PPARD: variants seen among roughly 807,000 people sequenced by gnomAD.
The protein encoded by PPARD is peroxisome proliferator-activated receptor delta.
A neutral mutation model predicts 39.5 loss-of-function variants in PPARD; 6 were observed. The ratio of observed to expected loss-of-function variants is 0.15; its 90% CI spans 0.08 to 0.30. The LOEUF (loss-of-function observed/expected upper bound fraction) is 0.30, where lower values mean the gene tolerates loss of function less well. Among genes scored for constraint, PPARD ranks in the 10% least tolerant of loss-of-function variants. The probability of loss-of-function intolerance (pLI) is 1.00; values close to 1 mark genes in which losing one functional copy is unlikely to be tolerated. For synonymous variants in PPARD, 210 were observed against 231.3 expected (o/e 0.91, Z 0.83); for missense variants, 397 against 596.8 (o/e 0.67, Z 3.49).
intron 5 of PPARD, among the ~76,000 whole-genome samples, chr6:35,422,275 G>A (rs1032446842): frequency 3.3e-5 from 5 of 152,166 alleles, no homozygotes; most frequent in African/African-American, 1.2e-4. Context: ...ACAATTTGGG[G>A]AACACCAGTC....
chr6:35,347,028 C>A, intron 1 of PPARD, 39 bp from the exon 2 acceptor site: 3 of 1,352,154 alleles, frequency 2.2e-6, no homozygotes, highest in Non-Finnish European at 1.0e-6. Context: ...CCCCTGGCAC[C>A]TGTCAGCTAA....
intron 2 of PPARD, among the ~76,000 whole-genome samples, chr6:35,349,217 G>A (rs1486834508): frequency 6.6e-6 from 1 of 151,916 alleles, no homozygotes; most frequent in African/African-American, 2.4e-5. Context: ...AGTAGAGACG[G>A]GGTTTCACCG....
chr6:35,414,632 G>A (rs1200922001), intron 3 of PPARD, among the ~76,000 whole-genome samples: 2 of 152,148 alleles, frequency 1.3e-5, no homozygotes, highest in African/African-American at 4.8e-5. Flanking sequence ...TTTATAGGCT[G>A]TGTCCTACCC....
intron 1 of PPARD, among the ~76,000 whole-genome samples, chr6:35,343,146 C>T (rs76346538): frequency 2.7e-3 from 407 of 152,262 alleles, no homozygotes; most frequent in Non-Finnish European, 4.5e-3. Context: ...ATCTTTTCCT[C>T]TGTCCCCCTC....
At chr6:35,399,310 G>A (rs1426971962) in intron 2 of PPARD, among the ~76,000 whole-genome samples, 1 of 149,912 alleles carries the variant, frequency 6.7e-6, no homozygotes, top group East Asian at 2.0e-4. Context: ...TGAGACAGGA[G>A]AATCACTTGA....
chr6:35,344,531 C>T (rs907933401), intron 1 of PPARD, among the ~76,000 whole-genome samples: 6 of 152,038 alleles, frequency 3.9e-5, no homozygotes, highest in Non-Finnish European at 7.4e-5. Context: ...GGCGTTGGTT[C>T]TCTAAAGAAG....
intron 3 of PPARD, among the ~76,000 whole-genome samples, chr6:35,416,410 A>AAC (rs1765775630): frequency 9.2e-6 from 1 of 108,136 alleles, no homozygotes; most frequent in East Asian, 2.9e-4. Context: ...AAAAAAAAAA[A>AAC]CACCTTCTTA....
rs563446969 is a variant in PPARD, at chr6:35,394,050, G to A, written c.-101-16937G>A. Among the ~76,000 whole-genome samples, 20 of 152,276 alleles carry A rather than the reference G, an allele frequency of 1.3e-4. No individual in the cohort carries two copies. The East Asian group carries it at 2.5e-3, about 19-fold the overall frequency. ...TTTATTACAAAAGATGTTGATGCTC[G>A]TTTTAAAAACAATTTAAACTACAAA... On this transcript the variant is annotated intron_variant, in intron 2 of 7. Coordinates refer to ENST00000360694, the MANE Select transcript of PPARD (RefSeq NM_006238.5).
chr6:35,358,221 G>C (rs1761731883), intron 2 of PPARD, among the ~76,000 whole-genome samples: 1 of 152,166 alleles, frequency 6.6e-6, no homozygotes, highest in African/African-American at 2.4e-5. Context: ...GCAGCAAGAT[G>C]CTACACTGCT....
intron 5 of PPARD, 138 bp from the exon 6 acceptor site, chr6:35,423,808 C>A: frequency 1.4e-6 from 1 of 731,602 alleles, no homozygotes; most frequent in Non-Finnish European, 2.2e-6. Context: ...CCCCATCATT[C>A]CTACCTTGCT....
At chr6:35,365,646 A>T (rs1015133827) in intron 2 of PPARD, among the ~76,000 whole-genome samples, 3 of 151,344 alleles carry the variant, frequency 2.0e-5, no homozygotes, top group African/African-American at 7.4e-5. Context: ...ATGTGCCATC[A>T]TGCCCAGCTG....
intron 2 of PPARD, among the ~76,000 whole-genome samples, chr6:35,396,823 CTG>C (rs1189000499): frequency 6.6e-6 from 1 of 152,090 alleles, no homozygotes; most frequent in Non-Finnish European, 1.5e-5. Flanking sequence ...GAGTGAGACT[CTG>C]TCTCAATAAA....
chr6:35,420,819 C>CTTTT (rs35852986), intron 4 of PPARD, among the ~76,000 whole-genome samples: 3,962 of 85,514 alleles, frequency 0.046, 446 homozygotes, highest in African/African-American at 0.06. Flanking sequence ...AACAAAGAAG[C>CTTTT]TTTTTTTTTT....
intron 5 of PPARD, among the ~76,000 whole-genome samples, chr6:35,422,781 C>A (rs963175571): frequency 6.6e-6 from 1 of 152,140 alleles, no homozygotes; most frequent in Non-Finnish European, 1.5e-5. Flanking sequence ...TCTCCTTACG[C>A]TAACTCCAGG....
chr6:35,406,550 G>T (rs188510802), intron 2 of PPARD, among the ~76,000 whole-genome samples: 2 of 152,314 alleles, frequency 1.3e-5, no homozygotes, highest in Middle Eastern at 3.4e-3. Flanking sequence ...CCCAAGGGAC[G>T]TGGGTAGGTT....
rs1562185947 is a variant in PPARD, at chr6:35,375,156, A to AT, written c.-102+28012dup. On this transcript the variant is annotated intron_variant, in intron 2 of 7. Transcript: ENST00000360694. Reference sequence around the variant, plus strand: ...TTAACTTAACGTATTACTGTATTATATTTTTTAGTACTTTCCATGTATTTC... The same window carrying AT: ...TTAACTTAACGTATTACTGTATTATATTTTTTTAGTACTTTCCATGTATTTC... Among the ~76,000 whole-genome samples, 6 of 126,670 alleles carry AT rather than the reference A, an allele frequency of 4.7e-5. No homozygotes were observed. The South Asian group carries it at 1.5e-3, about 32-fold the overall frequency. The allele number at this position is 126,670 out of a possible 152,430, so 83.1% of individuals were successfully genotyped here. A position where few individuals can be genotyped will look rare whatever the true frequency, so the allele number is the denominator to read the frequency against.
intron 1 of PPARD, among the ~76,000 whole-genome samples, chr6:35,344,357 G>T (rs968380918): frequency 6.6e-5 from 10 of 152,044 alleles, no homozygotes; most frequent in African/African-American, 2.4e-4. Context: ...TGGGGCTGCA[G>T]TAGTTAGACC....
intron 3 of PPARD, among the ~76,000 whole-genome samples, chr6:35,411,786 T>A (rs899433146): frequency 2.0e-5 from 3 of 152,226 alleles, no homozygotes; most frequent in Non-Finnish European, 4.4e-5. Flanking sequence ...TTGGTTCCCC[T>A]TTATTTATCA....
At chr6:35,395,789 G>A (rs763275489) in intron 2 of PPARD, among the ~76,000 whole-genome samples, 1 of 152,154 alleles carries the variant, frequency 6.6e-6, no homozygotes, top group Non-Finnish European at 1.5e-5. Flanking sequence ...TGCTCTGATG[G>A]CTTACTGGCT....
Sources: gnomAD v4.1 joint callset for allele counts (sites outside exome capture counted in the v4.1 genomes callset) on GRCh38, gnomAD v4.1.1 for gene constraint, MANE v1.5 for transcripts, NCBI Gene and HGNC (gene_info 2026-07-23, HGNC 2026-07-21) for gene names.